The following ENOX2 variants were observed in gnomAD, a reference collection of about 807,000 sequenced individuals.
ENOX2 encodes the protein ecto-NOX disulfide-thiol exchanger 2.
A neutral mutation model predicts 45.0 loss-of-function variants in ENOX2; 36 were observed. The observed-to-expected ratio is 0.80, with a 90% CI of 0.61 to 1.06. The LOEUF (loss-of-function observed/expected upper bound fraction) is 1.06. Ranked by LOEUF, ENOX2 falls within the 50% of genes least tolerant of loss-of-function variation. The pLI, the probability that ENOX2 is intolerant of heterozygous loss-of-function variation, is 0.00. For synonymous variants in ENOX2, 174 were observed against 152.3 expected (o/e 1.14, Z -1.05); for missense variants, 423 against 462.5 (o/e 0.91, Z 0.78).
chrX:130,895,649 G>A (rs1419136364), intron 2 of ENOX2, among the ~76,000 whole-genome samples: 2 of 111,973 alleles, frequency 1.8e-5, no homozygotes, highest in Non-Finnish European at 1.9e-5. Context: ...CTCACCTATC[G>A]TTATTATGCT....
intron 2 of ENOX2, among the ~76,000 whole-genome samples, chrX:130,816,678 G>A (rs760410628): frequency 4.5e-5 from 5 of 111,718 alleles, no homozygotes; most frequent in Admixed American, 9.5e-5. Flanking sequence ...GGTAAATAAC[G>A]AAATTAAGGC....
At chrX:130,816,813 A>G (rs1239935811) in intron 2 of ENOX2, among the ~76,000 whole-genome samples, 1 of 112,053 alleles carries the variant, frequency 8.9e-6, no homozygotes, top group Admixed American at 9.5e-5. Context: ...AGAAAGTGGG[A>G]AAGATGTAGA....
At chrX:130,644,918 T>C (rs981745144) in intron 10 of ENOX2, among the ~76,000 whole-genome samples, 27 of 111,551 alleles carry the variant, frequency 2.4e-4, no homozygotes, top group Admixed American at 2.2e-3. Context: ...GATATGTTAA[T>C]GTAGGTTCAT....
At chrX:130,806,905 T>C (rs1236490021) in intron 2 of ENOX2, among the ~76,000 whole-genome samples, 1 of 112,549 alleles carries the variant, frequency 8.9e-6, no homozygotes, top group African/African-American at 3.2e-5. Flanking sequence ...ATTGGCCTGA[T>C]AGAGTTCATT....
At chrX:130,848,184 A>G (rs1462908094) in intron 2 of ENOX2, among the ~76,000 whole-genome samples, 1 of 112,033 alleles carries the variant, frequency 8.9e-6, no homozygotes, top group Non-Finnish European at 1.9e-5. Context: ...TTATGCATAT[A>G]AAGAGCCATC....
intron 3 of ENOX2, among the ~76,000 whole-genome samples, chrX:130,715,781 G>A (rs1425180166): frequency 3.6e-5 from 4 of 111,622 alleles, no homozygotes; most frequent in Non-Finnish European, 7.5e-5. Flanking sequence ...GTGATGTTAG[G>A]CAAGTGATTT....
At chrX:130,788,806 T>G (rs1030947965) in intron 2 of ENOX2, among the ~76,000 whole-genome samples, 2 of 111,964 alleles carry the variant, frequency 1.8e-5, no homozygotes, top group Non-Finnish European at 3.8e-5. Flanking sequence ...CCCACAAAAT[T>G]TACAGTTTGT....
At chrX:130,648,980 G>A (rs952004750) in intron 10 of ENOX2, among the ~76,000 whole-genome samples, 17 of 99,805 alleles carry the variant, frequency 1.7e-4, no homozygotes, top group Non-Finnish European at 3.0e-4. Context: ...GGGAGTCAGA[G>A]GTTGCAGTGA....
chrX:130,763,853 TAGG>T (rs762768475), intron 3 of ENOX2, among the ~76,000 whole-genome samples: 22 of 110,330 alleles, frequency 2.0e-4, no homozygotes, highest in Non-Finnish European at 7.6e-5. Context: ...TGGGAGTGGG[TAGG>T]AGTAGGACCA....
intron 3 of ENOX2, among the ~76,000 whole-genome samples, chrX:130,759,460 C>G (rs747562332): frequency 1.9e-5 from 2 of 107,679 alleles, no homozygotes; most frequent in African/African-American, 6.8e-5. Flanking sequence ...GGTGTAGTGG[C>G]GTGTGCCTGC....
chrX:130,653,719 C>T (rs2036467698), intron 10 of ENOX2, among the ~76,000 whole-genome samples: 2 of 112,273 alleles, frequency 1.8e-5, no homozygotes, highest in South Asian at 7.4e-4. Flanking sequence ...ATTTATATCT[C>T]TATCTCCATC....
At chrX:130,893,338 A>T (rs1238156796) in intron 2 of ENOX2, among the ~76,000 whole-genome samples, 1 of 111,878 alleles carries the variant, frequency 8.9e-6, no homozygotes, top group Non-Finnish European at 1.9e-5. Flanking sequence ...GGTGGGGAAA[A>T]ATAACAGTCA....
intron 7 of ENOX2, 57 bp from the exon 8 acceptor site, chrX:130,667,799 C>T: frequency 1.0e-6 from 1 of 958,152 alleles, no homozygotes; most frequent in Non-Finnish European, 1.4e-6. Flanking sequence ...ATCTATTTTC[C>T]CAACATGCTG....
intron 9 of ENOX2, 144 bp from the exon 10 acceptor site, chrX:130,656,839 T>C (rs1307242559): frequency 3.7e-5 from 16 of 429,438 alleles, no homozygotes; most frequent in Non-Finnish European, 4.0e-6. Flanking sequence ...CAAAGAGGCA[T>C]GTTGAAAGTA....
rs76578446 is a variant in ENOX2, at chrX:130,630,964, A to AAAACAAACAAACAAAC, written c.1528+488_1528+503dup. Among the ~76,000 whole-genome samples, 125 of 99,917 alleles carry AAAACAAACAAACAAAC rather than the reference A, an allele frequency of 1.3e-3. 1 individual carries two copies. The highest frequency in any genetic ancestry group is 4.2e-3 in the African/African-American group (114 of 27,441). The allele number at this position is 99,917 out of a possible 115,157, so 86.8% of individuals were successfully genotyped here. A position where few individuals can be genotyped will look rare whatever the true frequency, so the allele number is the denominator to read the frequency against. Reference sequence around the variant, plus strand: ...ACCACGTATCTGGTGTCTGGAGGTTAAAACAAACAAACAAACAAACAAACA... The same window carrying AAAACAAACAAACAAAC: ...ACCACGTATCTGGTGTCTGGAGGTTAAAACAAACAAACAAACAAACAAACAAACAAACAAACAAACA... On this transcript the variant is annotated intron_variant, in intron 13 of 14. Coordinates refer to ENST00000394363, the MANE Select transcript of ENOX2 (RefSeq NM_006375.4).
intron 3 of ENOX2, among the ~76,000 whole-genome samples, chrX:130,713,298 C>A (rs150068055): frequency 5.4e-5 from 6 of 111,753 alleles, no homozygotes; most frequent in African/African-American, 2.0e-4. Context: ...CTTTGAGCTG[C>A]GGCCAAGGGC....
At chrX:130,695,826 G>A (rs1456670898) in intron 4 of ENOX2, among the ~76,000 whole-genome samples, 1 of 111,223 alleles carries the variant, frequency 9.0e-6, no homozygotes, top group Non-Finnish European at 1.9e-5. Context: ...TTCTTTAAAA[G>A]ACTTTTTAGG....
intron 6 of ENOX2, among the ~76,000 whole-genome samples, chrX:130,671,362 T>C (rs922941196): frequency 8.9e-5 from 10 of 111,842 alleles, no homozygotes; most frequent in Admixed American, 7.5e-4. Flanking sequence ...TCCCTATGAT[T>C]GCCCCAGTTT....
intron 3 of ENOX2, among the ~76,000 whole-genome samples, chrX:130,707,074 T>C (rs1285844201): frequency 1.8e-5 from 2 of 112,744 alleles, no homozygotes; most frequent in Admixed American, 9.4e-5. Flanking sequence ...AGTTCTGGCC[T>C]GATCCACTTT....
Sources: gnomAD v4.1 joint callset for allele counts (sites outside exome capture counted in the v4.1 genomes callset) on GRCh38, gnomAD v4.1.1 for gene constraint, MANE v1.5 for transcripts, NCBI Gene and HGNC (gene_info 2026-07-23, HGNC 2026-07-21) for gene names.